TENM3: variants seen among roughly 807,000 people sequenced by gnomAD.
TENM3 encodes teneurin-3.
Under a neutral mutation model 255.1 loss-of-function variants are expected in TENM3, and 63 were observed. The ratio of observed to expected loss-of-function variants is 0.25; its 90% confidence interval spans 0.20 to 0.30. The LOEUF is 0.30. Among genes scored for constraint, TENM3 ranks in the 10% least tolerant of loss-of-function variants. The pLI, the probability that TENM3 is intolerant of heterozygous loss-of-function variation, is 1.00. For missense variants in TENM3, 2,929 were observed against 3,461.1 expected, an observed-to-expected ratio of 0.85 and a Z score of 3.86; for synonymous variants, 1,306 against 1,322.3, an observed-to-expected ratio of 0.99 and a Z score of 0.27.
chr4:182,682,145 A>G (rs961423330), intron 11 of TENM3, 131 bp downstream of exon 11: 2 of 744,834 alleles, frequency 2.7e-6, no homozygotes, highest in East Asian at 5.4e-5. Flanking sequence ...GGAAATAAAT[A>G]TTAAAAGTAA....
chr4:182,079,507 G>GA, the TENM3 span: 98 of 143,702 alleles, frequency 6.8e-4, no homozygotes, highest in South Asian at 0.013. Flanking sequence ...CAGAGCAAGA[G>GA]AAAAAAAAAA....
chr4:181,504,828 G>A, the TENM3 span, among the ~76,000 whole-genome samples: 29 of 152,134 alleles, frequency 1.9e-4, no homozygotes, highest in Non-Finnish European at 2.9e-4. Context: ...GACAATCCCC[G>A]AAGTATACTA....
At chr4:181,517,956 C>T in the TENM3 span, among the ~76,000 whole-genome samples, 1 of 152,112 alleles carries the variant, frequency 6.6e-6, no homozygotes, top group African/African-American at 2.4e-5. Context: ...AGCTATCCAC[C>T]ACATCCAAGC....
chr4:182,526,089 C>T (rs1311618895), intron 3 of TENM3, among the ~76,000 whole-genome samples: 1 of 152,158 alleles, frequency 6.6e-6, no homozygotes, highest in East Asian at 1.9e-4. Context: ...ACGCCGTTCT[C>T]CTGCCTCAGC....
At chr4:182,163,891 C>T (rs149379841) in intron 1 of TENM3, among the ~76,000 whole-genome samples, 82 of 152,298 alleles carry the variant, frequency 5.4e-4, no homozygotes, top group African/African-American at 1.9e-3. Context: ...AGCCCTTAGA[C>T]CCTCTGCCTT....
chr4:182,047,559 T>G, the TENM3 span, among the ~76,000 whole-genome samples: 1 of 5,946 alleles, frequency 1.7e-4, no homozygotes, highest in Non-Finnish European at 3.9e-4. Context: ...AGACTCCATC[T>G]CAAAAAAAAA....
the TENM3 span, among the ~76,000 whole-genome samples, chr4:181,687,169 G>A: frequency 6.6e-6 from 1 of 152,050 alleles, no homozygotes; most frequent in Non-Finnish European, 1.5e-5. Flanking sequence ...GTCATATAAT[G>A]GAAGAAGAAT....
the TENM3 span, among the ~76,000 whole-genome samples, chr4:181,486,598 G>A: frequency 2.0e-5 from 3 of 152,086 alleles, no homozygotes; most frequent in African/African-American, 7.2e-5. Flanking sequence ...AGCTTTTGAG[G>A]CCTTTCTTAT....
chr4:182,283,308 CG>C (rs1760519298), intron 1 of TENM3, among the ~76,000 whole-genome samples: 1 of 152,080 alleles, frequency 6.6e-6, no homozygotes, highest in Non-Finnish European at 1.5e-5. Context: ...GTAATAAAAA[CG>C]GGGGCCTTTG....
chr4:181,516,777 CA>C, the TENM3 span, among the ~76,000 whole-genome samples: 48,552 of 145,930 alleles, frequency 0.33, 8,613 homozygotes, highest in South Asian at 0.49. Context: ...ACTCCATCTC[CA>C]AAAAAAAAAA....
the TENM3 span, among the ~76,000 whole-genome samples, chr4:181,697,932 T>C: frequency 2.0e-5 from 3 of 151,862 alleles, no homozygotes; most frequent in African/African-American, 7.2e-5. Context: ...TAAAATGTGT[T>C]GGCCAGGCAT....
the TENM3 span, among the ~76,000 whole-genome samples, chr4:181,577,293 G>A: frequency 1.1e-3 from 167 of 145,984 alleles, 1 homozygote; most frequent in African/African-American, 4.0e-3. Flanking sequence ...CACCCTTCTC[G>A]GCCTCCCAAA....
the TENM3 span, among the ~76,000 whole-genome samples, chr4:181,718,206 T>C: frequency 6.6e-6 from 1 of 152,234 alleles, no homozygotes; most frequent in Non-Finnish European, 1.5e-5. Flanking sequence ...AAAGACATGA[T>C]GCCAATCTTT....
chr4:182,165,649 C>T (rs1484818321), intron 1 of TENM3, among the ~76,000 whole-genome samples: 1 of 152,212 alleles, frequency 6.6e-6, no homozygotes, highest in Non-Finnish European at 1.5e-5. Flanking sequence ...AATATGTATA[C>T]AGCTTCCATG....
chr4:181,493,919 A>G, the TENM3 span, among the ~76,000 whole-genome samples: 1 of 152,052 alleles, frequency 6.6e-6, no homozygotes, highest in Non-Finnish European at 1.5e-5. Context: ...AAGAACAACC[A>G]CCGCAATAAT....
At chr4:182,449,087 G>A in intron 3 of TENM3, 1 of 208,724 alleles carries the variant, frequency 4.8e-6, no homozygotes, top group Admixed American at 6.8e-5. Flanking sequence ...CGGCAAGGTG[G>A]GTGAGCGGCG....
At chr4:182,630,953 G>GA (rs1384722186) in intron 5 of TENM3, among the ~76,000 whole-genome samples, 1 of 151,844 alleles carries the variant, frequency 6.6e-6, no homozygotes, top group African/African-American at 2.4e-5. Context: ...TGACTAGCAG[G>GA]AAAAAATAGC....
the TENM3 span, among the ~76,000 whole-genome samples, chr4:181,979,143 T>TAC: frequency 9.6e-5 from 10 of 103,808 alleles, no homozygotes; most frequent in Non-Finnish European, 1.8e-4. Flanking sequence ...TATATATATA[T>TAC]ATATATATAT....
At chr4:182,655,255 C>T (rs926286528) in intron 6 of TENM3, among the ~76,000 whole-genome samples, 2 of 152,058 alleles carry the variant, frequency 1.3e-5, no homozygotes, top group Admixed American at 1.3e-4. Flanking sequence ...TGAAGATGAT[C>T]GAATGGTACT....
Sources: allele counts gnomAD v4.1 joint callset (sites outside exome capture counted in the v4.1 genomes callset), GRCh38; gene constraint gnomAD v4.1.1; transcripts MANE v1.5; gene names NCBI Gene and HGNC (gene_info 2026-07-23, HGNC 2026-07-21).